Variants in ASH1L observed in about 807,000 individuals in gnomAD.
ASH1L encodes histone-lysine N-methyltransferase ASH1L.
A neutral mutation model predicts 269.0 loss-of-function variants in ASH1L; 23 were observed. The ratio of observed to expected loss-of-function variants is 0.09; its 90% CI spans 0.06 to 0.12. ASH1L has a LOEUF of 0.12. ASH1L is among the 10% of genes least tolerant of loss of function. ASH1L has a pLI of 1.00. For synonymous variants in ASH1L, 1,187 were observed against 1,253.5 expected (o/e 0.95, Z 1.12); for missense variants, 2,912 against 3,567.8 (o/e 0.82, Z 4.68).
intron 1 of ASH1L, among the ~76,000 whole-genome samples, chr1:155,544,518 C>T (rs1670659706): frequency 6.6e-6 from 1 of 151,664 alleles, no homozygotes; most frequent in African/African-American, 2.4e-5. Flanking sequence ...CGATCTCCTG[C>T]CCTCGTGATC....
intron 2 of ASH1L, among the ~76,000 whole-genome samples, chr1:155,497,740 A>G (rs926898118): frequency 1.3e-5 from 2 of 151,520 alleles, no homozygotes; most frequent in East Asian, 3.9e-4. Context: ...CAGCCATAAA[A>G]GAAGAAAATT....
At chr1:155,404,961 G>C (rs1458373951) in intron 6 of ASH1L, among the ~76,000 whole-genome samples, 1 of 151,992 alleles carries the variant, frequency 6.6e-6, no homozygotes, top group Non-Finnish European at 1.5e-5. Flanking sequence ...CTGGGAAACA[G>C]AGGTTGCAGT....
intron 2 of ASH1L, among the ~76,000 whole-genome samples, chr1:155,485,626 A>C (rs1420465506): frequency 6.6e-6 from 1 of 152,272 alleles, no homozygotes; most frequent in Non-Finnish European, 1.5e-5. Context: ...AAAATGTTAG[A>C]AGCAAAAAAC....
intron 2 of ASH1L, among the ~76,000 whole-genome samples, chr1:155,483,964 T>G (rs146785811): frequency 1.3e-5 from 2 of 152,274 alleles, no homozygotes; most frequent in East Asian, 3.9e-4. Flanking sequence ...TAATATACCT[T>G]CTGTATAAGA....
rs1193760581 is a variant in ASH1L, at chr1:155,357,662, T to G, written c.6883A>C (p.Ser2295Arg). The G allele has an allele frequency of 6.2e-7, 1 of 1,614,200 alleles. No homozygotes were observed. The highest frequency in any genetic ancestry group is 1.7e-5 in the Admixed American group (1 of 60,012). ...TTTTTGTGTGTGGCCATGGGCTGGCTGTTTTTGCTGCTGGTGAGTCCATTC... is the reference window on the plus strand; with the variant it reads ...TTTTTGTGTGTGGCCATGGGCTGGCGGTTTTTGCTGCTGGTGAGTCCATTC... ...RVNGLTSSKNSQPMATHKKSG... is the reference protein window; with the variant it reads ...RVNGLTSSKNRQPMATHKKSG... Residue 2295 changes from serine to arginine, a missense_variant, in exon 14 of 28, where the codon AGC (serine) becomes CGC (arginine). By Grantham distance (110) the Ser-to-Arg change is moderately radical (BLOSUM62 -1). Around this residue, in one of 13 missense-constraint regions of ASH1L, gnomAD observed 309 missense variants for 435.1 expected, o/e 0.71. Transcript: ENST00000392403.
At chr1:155,417,627 A>G (rs1214162787) in intron 5 of ASH1L, among the ~76,000 whole-genome samples, 1 of 152,184 alleles carries the variant, frequency 6.6e-6, no homozygotes, top group African/African-American at 2.4e-5. Context: ...GGGTAATGTT[A>G]TCCACTGTTA....
intron 5 of ASH1L, among the ~76,000 whole-genome samples, chr1:155,421,969 TC>T: frequency 6.6e-6 from 1 of 152,290 alleles, no homozygotes; most frequent in East Asian, 1.9e-4. Flanking sequence ...CACATCTTTT[TC>T]ATCCTCCCAG....
rs79158406 is a variant in ASH1L at position 155,389,067 on chromosome 1, G to A, written c.6103+6392C>T. Reference sequence around the variant, plus strand: ...GTCACGCAGGCTGGAGTGCAATGGTGTGATCCTGGCTCATTGCAACCTCCA... The same window carrying A: ...GTCACGCAGGCTGGAGTGCAATGGTATGATCCTGGCTCATTGCAACCTCCA... On this transcript the variant is annotated intron_variant, in intron 7 of 27. Coordinates refer to ENST00000392403, the MANE Select transcript of ASH1L (RefSeq NM_018489.3). 1.1e-4 allele frequency among the ~76,000 whole-genome samples: 17 copies of A among 150,820 alleles called. No individual in the cohort carries two copies. In the East Asian group the frequency reaches 1.4e-3, roughly 12 times the overall value.
chr1:155,554,626 C>A (rs1254226330), intron 1 of ASH1L, among the ~76,000 whole-genome samples: 1 of 152,022 alleles, frequency 6.6e-6, no homozygotes, highest in African/African-American at 2.4e-5. Flanking sequence ...CCAGGCTGGT[C>A]TTAAACTCCT....
chr1:155,457,198 C>T (rs368479074), intron 4 of ASH1L, among the ~76,000 whole-genome samples: 29 of 152,248 alleles, frequency 1.9e-4, no homozygotes, highest in African/African-American at 7.0e-4. Context: ...AAGACCTATC[C>T]TATTCTTACT....
At chr1:155,349,270 A>G (rs1256330818) in intron 19 of ASH1L, 57 bp downstream of exon 19, 19 of 1,571,326 alleles carry the variant, frequency 1.2e-5, no homozygotes, top group Non-Finnish European at 1.6e-5. Flanking sequence ...TTAAACTTCT[A>G]GACTAATTCT....
chr1:155,355,563 A>G (rs1429028294), intron 15 of ASH1L, among the ~76,000 whole-genome samples: 1 of 152,182 alleles, frequency 6.6e-6, no homozygotes, highest in African/African-American at 2.4e-5. Context: ...GAGACTTTAA[A>G]AACTACTGAT....
chr1:155,466,436 T>TGA (rs1356638499), intron 3 of ASH1L, among the ~76,000 whole-genome samples: 1 of 152,176 alleles, frequency 6.6e-6, no homozygotes, highest in Non-Finnish European at 1.5e-5. Flanking sequence ...CCAAATGACA[T>TGA]CATTCACTGA....
At chr1:155,411,602 T>C (rs868673736) in intron 6 of ASH1L, among the ~76,000 whole-genome samples, 1 of 117,124 alleles carries the variant, frequency 8.5e-6, no homozygotes, top group Non-Finnish European at 1.7e-5. Flanking sequence ...TATATATATA[T>C]ATATATATAT....
At chr1:155,476,524 C>T (rs1249451646) in intron 3 of ASH1L, among the ~76,000 whole-genome samples, 1 of 151,910 alleles carries the variant, frequency 6.6e-6, no homozygotes. Context: ...AGGGGTTTAT[C>T]TTTTCCCTAA....
chr1:155,529,337 A>G (rs994781737), intron 1 of ASH1L, among the ~76,000 whole-genome samples: 5 of 147,998 alleles, frequency 3.4e-5, no homozygotes, highest in African/African-American at 1.2e-4. Flanking sequence ...TTCTCTCTGC[A>G]ACCTTGCCAG....
Position 155,562,147 on chromosome 1 carries a change from A to G in ASH1L, c.-100+6T>C, listed in dbSNP as rs1001362810. 1 of 1,542,514 alleles carries G rather than the reference A, an allele frequency of 6.5e-7. No homozygotes were observed. The highest frequency in any genetic ancestry group is 1.2e-5 in the South Asian group (1 of 85,932). ...CCCGAATGCCGGCCCAAATCGTTCT[A>G]CTCACCGTGTCGGAGGCCGAGGCCG... On this transcript the variant is annotated splice_donor_region_variant and intron_variant, in intron 1 of 27. Transcript: ENST00000392403.
At chr1:155,528,344 C>T (rs1669417145) in intron 1 of ASH1L, among the ~76,000 whole-genome samples, 1 of 152,060 alleles carries the variant, frequency 6.6e-6, no homozygotes, top group African/African-American at 2.4e-5. Flanking sequence ...GCTTTACCTT[C>T]AAAATGTATG....
intron 3 of ASH1L, among the ~76,000 whole-genome samples, chr1:155,465,302 A>AC (rs1323866482): frequency 6.6e-6 from 1 of 151,502 alleles, no homozygotes; most frequent in African/African-American, 2.4e-5. Flanking sequence ...AAAAAAAAAA[A>AC]AAAAAAAAAA....
Sources: gnomAD v4.1 joint callset for allele counts (sites outside exome capture counted in the v4.1 genomes callset) on GRCh38, gnomAD v4.1.1 for gene constraint, gnomAD v4.1.1 regional missense constraint, MANE v1.5 for transcripts, NCBI Gene and HGNC (gene_info 2026-07-23, HGNC 2026-07-21) for gene names.